The following CCAR1 variants were observed in gnomAD, a reference collection of about 807,000 sequenced individuals.
CCAR1 encodes the protein cell division cycle and apoptosis regulator protein 1.
In CCAR1, 78 loss-of-function variants were observed where a neutral mutation model predicts 163.8. The ratio of observed to expected loss-of-function variants is 0.48; its 90% CI spans 0.40 to 0.57. The LOEUF (loss-of-function observed/expected upper bound fraction) is 0.57. Among genes scored for constraint, CCAR1 ranks in the 20% least tolerant of loss-of-function variants. The pLI is 0.00. For missense variants in CCAR1, 1,019 were observed against 1,365.2 expected, an observed-to-expected ratio of 0.75 and a Z score of 4.00; for synonymous variants, 443 against 460.7, an observed-to-expected ratio of 0.96 and a Z score of 0.49.
chr10:68,749,431 A>T lies in CCAR1; in HGVS notation c.957-93A>T, dbSNP rs1015856914. On this transcript the variant is annotated intron_variant, in intron 9 of 24. Coordinates refer to ENST00000265872, the MANE Select transcript of CCAR1 (RefSeq NM_018237.4). ...AAAAAGTTAAACAAATATACTGTGG[A>T]TTCTTGCTTATATTACCTACTCTAT... 2.4e-6 allele frequency: 3 copies of T among 1,257,260 alleles called. No individual in the cohort carries two copies. The African/African-American group carries it at 4.6e-5, about 19-fold the overall frequency. 77.9% of individuals were successfully genotyped at this position (1,257,260 alleles called of 1,614,324 possible).
intron 17 of CCAR1, 55 bp from the exon 18 acceptor site, chr10:68,771,151 A>G (rs1489290754): frequency 2.1e-6 from 3 of 1,459,092 alleles, no homozygotes; most frequent in African/African-American, 2.9e-5. Flanking sequence ...TTACTCTGCT[A>G]GCTTTATTAT....
intron 4 of CCAR1, among the ~76,000 whole-genome samples, chr10:68,738,361 G>A (rs2056140002): frequency 6.6e-6 from 1 of 151,864 alleles, no homozygotes; most frequent in Admixed American, 6.6e-5. Context: ...TCAGGAGGCG[G>A]AGGTTATGGT....
At chr10:68,763,575 G>T (rs2056501365) in intron 16 of CCAR1, among the ~76,000 whole-genome samples, 1 of 152,152 alleles carries the variant, frequency 6.6e-6, no homozygotes, top group Non-Finnish European at 1.5e-5. Context: ...AGCCTCCCGA[G>T]TAGCTGGGAT....
At chr10:68,767,041 T>C (rs1264622418) in intron 17 of CCAR1, among the ~76,000 whole-genome samples, 1 of 152,282 alleles carries the variant, frequency 6.6e-6, no homozygotes, top group East Asian at 1.9e-4. Context: ...CCAGTTCTGT[T>C]TTTTCCCTAA....
At chr10:68,724,976 T>A (rs1423228363) in intron 2 of CCAR1, among the ~76,000 whole-genome samples, 1 of 151,886 alleles carries the variant, frequency 6.6e-6, no homozygotes, top group African/African-American at 2.4e-5. Flanking sequence ...CCGTCTCTAC[T>A]AAAAATACAA....
At chr10:68,785,373 A>G (rs1164393132) in intron 19 of CCAR1, among the ~76,000 whole-genome samples, 2 of 151,664 alleles carry the variant, frequency 1.3e-5, no homozygotes, top group Admixed American at 1.3e-4. Flanking sequence ...GGCGTGTGCT[A>G]CCATGCCTGG....
At chr10:68,746,354 G>A (rs2056255146) in intron 6 of CCAR1, among the ~76,000 whole-genome samples, 2 of 152,010 alleles carry the variant, frequency 1.3e-5, no homozygotes, top group Admixed American at 1.3e-4. Flanking sequence ...TTGGCTCACT[G>A]CAACCTCCGC....
Position 68,736,881 on chromosome 10 carries a change from C to T in CCAR1, c.79C>T (p.Leu27=). ...TATAVSQPAA[L]GVQQPSLLGA... ...CCTTTTTGATTTCATTTTAGCTGCA[C>T]TGGGTGTTCAACAGCCATCACTCCT... is the stretch of plus-strand genomic sequence containing the variant. Residue 27 remains leucine (L), a synonymous_variant, in exon 3 of 25, where the codon CTG becomes TTG. Transcript: ENST00000265872. The T allele has an allele frequency of 6.2e-7, 1 of 1,602,378 alleles. No homozygotes were observed. Among genetic ancestry groups the T allele is most frequent in the East Asian group, 2.2e-5 (1 of 44,800 alleles).
At chr10:68,726,416 G>T (rs1281410716) in intron 2 of CCAR1, among the ~76,000 whole-genome samples, 2 of 151,984 alleles carry the variant, frequency 1.3e-5, no homozygotes. Flanking sequence ...CTCCCAAAGT[G>T]CTGGGATTAC....
intron 2 of CCAR1, among the ~76,000 whole-genome samples, chr10:68,728,071 A>AAGGC (rs2055974289): frequency 6.6e-6 from 1 of 152,148 alleles, no homozygotes; most frequent in South Asian, 2.1e-4. Flanking sequence ...TTCTGACCTC[A>AAGGC]GGTAATCCAT....
intron 24 of CCAR1, among the ~76,000 whole-genome samples, chr10:68,790,385 ATGT>A (rs1206131079): frequency 2.0e-5 from 3 of 151,822 alleles, no homozygotes; most frequent in African/African-American, 7.3e-5. Flanking sequence ...TTCCCAAAAG[ATGT>A]TGTTTTTCTA....
chr10:68,752,895 GATA>G (rs2056350577), intron 10 of CCAR1, among the ~76,000 whole-genome samples: 2 of 135,968 alleles, frequency 1.5e-5, no homozygotes, highest in Admixed American at 1.4e-4. Flanking sequence ...TAGATAGATA[GATA>G]GATAGATAGA....
At position 68,773,066 on chromosome 10, in the gene CCAR1, A is replaced by G. The variant is rs373237686; in HGVS notation, c.2617A>G (p.Met873Val). The change falls in exon 19 of 25, where the codon ATG becomes GTG. Residue 873 changes from methionine to valine, a missense_variant. Physicochemically the swap from Met to Val is conservative, Grantham distance 21. Transcript: ENST00000265872. ...EDNNQDEYDP[M>V]EAEEAEDEED... ...TAACAATCAAGATGAATATGACCCT[A>G]TGGAAGCAGAAGAAGCTGAGGATGA... 3.5e-5 allele frequency: 55 copies of G among 1,558,264 alleles called. 3 individuals carry two copies. Among genetic ancestry groups the G allele is most frequent in the Admixed American group, 3.3e-4 (18 of 54,546 alleles).
At chr10:68,786,023 C>G in intron 19 of CCAR1, 113 bp from the exon 20 acceptor site, 1 of 682,902 alleles carries the variant, frequency 1.5e-6, no homozygotes, top group Non-Finnish European at 2.6e-6. Flanking sequence ...GCTCACTACA[C>G]CCTCGAACGC....
chr10:68,764,173 C>T (rs2056508562), intron 16 of CCAR1, among the ~76,000 whole-genome samples: 1 of 152,136 alleles, frequency 6.6e-6, no homozygotes, highest in Non-Finnish European at 1.5e-5. Context: ...TGACTCTACC[C>T]TATGCTATCT....
chr10:68,736,643 A>C lies in CCAR1; in HGVS notation c.74-233A>C, dbSNP rs182869463. Among the ~76,000 whole-genome samples, 4 of 152,218 alleles carry C rather than the reference A, an allele frequency of 2.6e-5. No individual in the cohort carries two copies. The East Asian group carries it at 7.7e-4, about 29-fold the overall frequency. On this transcript the variant is annotated intron_variant, in intron 2 of 24. Coordinates refer to ENST00000265872, the MANE Select transcript of CCAR1 (RefSeq NM_018237.4). ...TCCTTCAAGGTTCATACGTGGTGCAAATTACCGGATATTCTTCTTAAGGCT... is the reference window on the plus strand; with the variant it reads ...TCCTTCAAGGTTCATACGTGGTGCACATTACCGGATATTCTTCTTAAGGCT...
chr10:68,751,827 G>A (rs532835063), intron 10 of CCAR1, among the ~76,000 whole-genome samples: 3 of 151,610 alleles, frequency 2.0e-5, no homozygotes, highest in Non-Finnish European at 4.4e-5. Flanking sequence ...TTGCACCACT[G>A]CACTCCAGCC....
At chr10:68,754,919 A>T in intron 12 of CCAR1, 92 bp downstream of exon 12, 1 of 700,060 alleles carries the variant, frequency 1.4e-6, no homozygotes, top group Non-Finnish European at 2.5e-6. Flanking sequence ...ACATTTTAAT[A>T]TTTGTTGATT....
At chr10:68,752,073 C>T (rs1020606471) in intron 10 of CCAR1, among the ~76,000 whole-genome samples, 2 of 151,138 alleles carry the variant, frequency 1.3e-5, no homozygotes, top group South Asian at 2.1e-4. Context: ...CCCGCTACCA[C>T]GCCCAGCTAA....
Sources: gnomAD v4.1 joint callset for allele counts (sites outside exome capture counted in the v4.1 genomes callset) on GRCh38, gnomAD v4.1.1 for gene constraint, MANE v1.5 for transcripts, NCBI Gene and HGNC (gene_info 2026-07-23, HGNC 2026-07-21) for gene names.